Variants in DCAF4 observed in about 807,000 individuals in gnomAD.
DCAF4 encodes the protein DDB1 and CUL4 associated factor 4, also known as DDB1- and CUL4-associated factor 4.
DCAF4 carries 37 observed loss-of-function variants against 60.9 expected under a neutral mutation model. The observed-to-expected ratio is 0.61, with a 90% CI of 0.47 to 0.80. The LOEUF is 0.80. Ranked by LOEUF, DCAF4 falls within the 30% of genes least tolerant of loss-of-function variation. DCAF4 has a pLI of 0.00. For synonymous variants in DCAF4, 243 were observed against 254.8 expected (o/e 0.95, Z 0.44); for missense variants, 577 against 650.0 (o/e 0.89, Z 1.22).
At position 72,945,904 on chromosome 14, in the gene DCAF4, G is replaced by A; in HGVS notation, c.555G>A (p.Arg185=). ...NLILADTNSD[R]LFTVNDVKVG... is the part of the protein sequence containing the mutation. ...TCCAGGCAGATACCAACAGTGACCG[G>A]CTCTTCACAGTGAACGATGTTAAAG... Residue 185 remains arginine, a synonymous_variant, in exon 7 of 14, where the codon CGG becomes CGA. Coordinates refer to ENST00000358377, the MANE Select transcript of DCAF4 (RefSeq NM_015604.4). 6.2e-7 allele frequency: 1 copy of A among 1,614,158 alleles called. No homozygotes were observed.
chr14:72,959,423 G>C lies in DCAF4; in HGVS notation c.*618G>C. ...GAAAGATGGATCTTCTTACATGCTA[G>C]AAGTTTTAAACGGTCCTTAACATGC... On this transcript the variant is annotated 3_prime_UTR_variant, in exon 14 of 14. Transcript: ENST00000358377. 1 of 985,456 alleles carries C rather than the reference G, an allele frequency of 1.0e-6. No homozygotes were observed. Among genetic ancestry groups the C allele is most frequent in the African/African-American group, 1.7e-5 (1 of 57,348 alleles). The allele number at this position is 985,456 out of a possible 1,614,324, so 61.0% of individuals were successfully genotyped here. A position where few individuals can be genotyped will look rare whatever the true frequency, so the allele number is the denominator to read the frequency against.
chr14:72,932,291 T>C (rs1053344952), intron 1 of DCAF4, among the ~76,000 whole-genome samples: 17 of 152,194 alleles, frequency 1.1e-4, no homozygotes, highest in African/African-American at 3.9e-4. Context: ...GCACCCGGCC[T>C]TGACCTATAT....
At chr14:72,929,067 G>C (rs1452623432) in intron 1 of DCAF4, among the ~76,000 whole-genome samples, 1 of 152,174 alleles carries the variant, frequency 6.6e-6, no homozygotes, top group Non-Finnish European at 1.5e-5. Flanking sequence ...CCAGCACTGC[G>C]GGCGGCACGG....
intron 9 of DCAF4, among the ~76,000 whole-genome samples, chr14:72,953,762 T>TAG (rs1891845093): frequency 2.1e-5 from 1 of 47,458 alleles, no homozygotes; most frequent in African/African-American, 7.1e-5. Context: ...TATATATATA[T>TAG]AGTTTATTTA....
At chr14:72,931,263 CTT>C (rs370127536) in intron 1 of DCAF4, among the ~76,000 whole-genome samples, 2 of 126,784 alleles carry the variant, frequency 1.6e-5, no homozygotes, top group Admixed American at 8.7e-5. Flanking sequence ...TACTTTTTCT[CTT>C]TTTTTTTTTT....
chr14:72,937,410 C>CTTTTTTTTTT (rs11288108), intron 1 of DCAF4, among the ~76,000 whole-genome samples: 1 of 105,752 alleles, frequency 9.5e-6, no homozygotes, highest in East Asian at 2.8e-4. Context: ...TTTTTCTTTT[C>CTTTTTTTTTT]TTTTTTTTTT....
At chr14:72,931,263 C>CTTTT (rs370127536) in intron 1 of DCAF4, among the ~76,000 whole-genome samples, 5,318 of 126,714 alleles carry the variant, frequency 0.042, 164 homozygotes, top group Non-Finnish European at 0.065. Flanking sequence ...TACTTTTTCT[C>CTTTT]TTTTTTTTTT....
intron 12 of DCAF4, among the ~76,000 whole-genome samples, chr14:72,955,965 C>T (rs187419719): frequency 2.3e-5 from 3 of 130,766 alleles, no homozygotes; most frequent in Admixed American, 9.6e-5. Context: ...CTCTGTCGCC[C>T]GGGCTGGAGT....
chr14:72,942,851 C>A, intron 5 of DCAF4, 143 bp from the exon 6 acceptor site: 1 of 676,722 alleles, frequency 1.5e-6, no homozygotes, highest in Non-Finnish European at 2.5e-6. Flanking sequence ...TGGGATCTTG[C>A]TCAGCTCCAT....
At chr14:72,955,408 A>C (rs1892132809) in intron 11 of DCAF4, 115 bp from the exon 12 acceptor site, 1 of 1,264,390 alleles carries the variant, frequency 7.9e-7, no homozygotes, top group African/African-American at 1.5e-5. Context: ...GCACGTGTCT[A>C]ATCACACCGT....
chr14:72,943,359 C>T (rs183837986), intron 6 of DCAF4, among the ~76,000 whole-genome samples: 1 of 152,292 alleles, frequency 6.6e-6, no homozygotes, highest in African/African-American at 2.4e-5. Flanking sequence ...CCAGCCACAC[C>T]TTGACTACTG....
intron 7 of DCAF4, among the ~76,000 whole-genome samples, chr14:72,946,937 TC>T (rs2096807182): frequency 6.6e-6 from 1 of 152,160 alleles, no homozygotes; most frequent in Non-Finnish European, 1.5e-5. Context: ...ACCAGATGTC[TC>T]CCTGTGGGTC....
At chr14:72,929,041 G>A (rs528434947) in intron 1 of DCAF4, among the ~76,000 whole-genome samples, 42 of 152,296 alleles carry the variant, frequency 2.8e-4, no homozygotes, top group African/African-American at 9.1e-4. Flanking sequence ...TCCGGGGCTG[G>A]TCGGTGTTGG....
Position 72,953,774 on chromosome 14 carries a change from TTATTTATTTGTGTG to T in DCAF4, c.809-388_809-375del, listed in dbSNP as rs1217261080. On this transcript the variant is annotated intron_variant, in intron 9 of 13. Transcript: ENST00000358377. ...ATATATATATATATAGTTTATTTAT[TTATTTATTTGTGTG>T]TGTGTGTGTGTGTGTGTGTGTGTGT... 3.5e-5 allele frequency among the ~76,000 whole-genome samples: 2 copies of T among 56,760 alleles called. 1 individual carries two copies. The highest frequency in any genetic ancestry group is 1.3e-4 in the African/African-American group (2 of 15,812). The allele number at this position is 56,760 out of a possible 152,430, so 37.2% of individuals were successfully genotyped here.
At chr14:72,940,587 AG>A in intron 4 of DCAF4, 3 of 337,476 alleles carry the variant, frequency 8.9e-6, no homozygotes, top group Non-Finnish European at 1.6e-5. Context: ...TTGTTCGATA[AG>A]TTGTTTTTTT....
At chr14:72,936,791 G>A (rs905577428) in intron 1 of DCAF4, among the ~76,000 whole-genome samples, 2 of 152,310 alleles carry the variant, frequency 1.3e-5, no homozygotes, top group Middle Eastern at 3.4e-3. Flanking sequence ...AGATGAGGTG[G>A]TGTTAAGTCT....
Position 72,958,797 on chromosome 14 carries a change from T to C in DCAF4, c.1480T>C (p.Tyr494His). The C allele has an allele frequency of 6.4e-7, 1 of 1,561,116 alleles. No individual in the cohort carries two copies. The highest frequency in any genetic ancestry group is 8.6e-7 in the Non-Finnish European group (1 of 1,156,174). Residue 494 changes from tyrosine to histidine, a missense_variant, in exon 14 of 14, where the codon TAC becomes CAC. Coordinates refer to ENST00000358377, the MANE Select transcript of DCAF4 (RefSeq NM_015604.4). ...CGGGCAGGACCTTTACTGTTACTCC[T>C]ACAGCTAATTCTGCAGGGCACAGCC... ...AVGQDLYCYSYS is the reference protein window; with the variant it reads ...AVGQDLYCYSHS
intron 8 of DCAF4, among the ~76,000 whole-genome samples, chr14:72,949,627 C>T (rs1025177732): frequency 1.3e-5 from 2 of 152,038 alleles, no homozygotes; most frequent in African/African-American, 4.8e-5. Context: ...TGGTGGCACG[C>T]ACCCGTAATC....
intron 8 of DCAF4, among the ~76,000 whole-genome samples, chr14:72,949,626 G>A (rs1197866168): frequency 2.6e-5 from 4 of 151,964 alleles, no homozygotes; most frequent in South Asian, 2.1e-4. Context: ...GTGGTGGCAC[G>A]CACCCGTAAT....
Sources: allele counts gnomAD v4.1 joint callset (sites outside exome capture counted in the v4.1 genomes callset), GRCh38; gene constraint gnomAD v4.1.1; transcripts MANE v1.5; gene names NCBI Gene and HGNC (gene_info 2026-07-23, HGNC 2026-07-21).